Variants in LIMCH1 observed in about 807,000 individuals in gnomAD.
LIMCH1 encodes LIM and calponin homology domains 1.
In LIMCH1, 113 loss-of-function variants were observed where a neutral mutation model predicts 176.5. That is an observed-to-expected ratio of 0.64 (90% CI 0.55 to 0.75). The LOEUF (loss-of-function observed/expected upper bound fraction) is 0.75. Among genes scored for constraint, LIMCH1 ranks in the 30% least tolerant of loss-of-function variants. The pLI is 0.00. For synonymous variants in LIMCH1, 619 were observed against 645.9 expected, an observed-to-expected ratio of 0.96 and a Z score of 0.63; for missense variants, 1,674 against 1,814.9, an observed-to-expected ratio of 0.92 and a Z score of 1.41.
At chr4:41,598,795 A>G (rs968070068) in intron 1 of LIMCH1, 125 bp from the exon 2 acceptor site, 7 of 487,646 alleles carry the variant, frequency 1.4e-5, no homozygotes, top group African/African-American at 9.8e-5. Flanking sequence ...TTTGTTATGC[A>G]AGCTATGATT....
At chr4:41,399,685 C>CTTTTTT (rs56174007) in intron 1 of LIMCH1, among the ~76,000 whole-genome samples, 21,509 of 95,352 alleles carry the variant, frequency 0.23, 5,170 homozygotes, top group African/African-American at 0.39. Flanking sequence ...GGTGGATACT[C>CTTTTTT]TTTTTTTTTT....
chr4:41,578,914 G>T (rs953871439), intron 1 of LIMCH1, among the ~76,000 whole-genome samples: 14 of 151,948 alleles, frequency 9.2e-5, no homozygotes, highest in African/African-American at 3.4e-4. Context: ...TGTTTTCCAG[G>T]CTGGTCTCAA....
At chr4:41,432,049 A>T (rs1490332292) in intron 1 of LIMCH1, among the ~76,000 whole-genome samples, 1 of 152,216 alleles carries the variant, frequency 6.6e-6, no homozygotes, top group Non-Finnish European at 1.5e-5. Flanking sequence ...TTAGGCTAGG[A>T]TGTTAAATAA....
chr4:41,460,312 G>T (rs367558289), intron 1 of LIMCH1, among the ~76,000 whole-genome samples: 1 of 151,728 alleles, frequency 6.6e-6, no homozygotes, highest in Non-Finnish European at 1.5e-5. Context: ...ATTGCATAGC[G>T]CAGATGTAGA....
At chr4:41,481,088 A>T (rs2068535836) in intron 1 of LIMCH1, among the ~76,000 whole-genome samples, 1 of 151,860 alleles carries the variant, frequency 6.6e-6, no homozygotes, top group Non-Finnish European at 1.5e-5. Flanking sequence ...TTCTGATGAC[A>T]TGATGAAAAT....
intron 23 of LIMCH1, among the ~76,000 whole-genome samples, chr4:41,679,277 T>A (rs1462895298): frequency 1.3e-5 from 2 of 152,242 alleles, no homozygotes; most frequent in Non-Finnish European, 2.9e-5. Context: ...GCATTAATTT[T>A]AATCCCCATT....
chr4:41,598,543 GA>G (rs539757340), intron 1 of LIMCH1, among the ~76,000 whole-genome samples: 31 of 150,924 alleles, frequency 2.1e-4, no homozygotes, highest in Middle Eastern at 3.4e-3. Context: ...AAAAAAGAAA[GA>G]AAAGAAAAGA....
At chr4:41,652,375 C>G (rs938867985) in intron 18 of LIMCH1, among the ~76,000 whole-genome samples, 6 of 152,098 alleles carry the variant, frequency 3.9e-5, no homozygotes, top group Non-Finnish European at 8.8e-5. Flanking sequence ...TTCCTAGTCT[C>G]TAGGAGCAGA....
At chr4:41,402,032 C>T (rs1481163241) in intron 1 of LIMCH1, among the ~76,000 whole-genome samples, 1 of 152,126 alleles carries the variant, frequency 6.6e-6, no homozygotes, top group Admixed American at 6.5e-5. Context: ...ATTTCCTTCC[C>T]CTGCCTAATT....
intron 4 of LIMCH1, among the ~76,000 whole-genome samples, chr4:41,607,835 G>T (rs932572360): frequency 6.6e-6 from 1 of 152,152 alleles, no homozygotes; most frequent in Non-Finnish European, 1.5e-5. Context: ...CTGGATACAT[G>T]ACTCTTAGCA....
chr4:41,612,985 A>G (rs1561918812), intron 4 of LIMCH1: 2 of 1,549,954 alleles, frequency 1.3e-6, no homozygotes, highest in Non-Finnish European at 1.7e-6. Context: ...CAGCAAAGAC[A>G]AATGTTGCCT....
intron 8 of LIMCH1, among the ~76,000 whole-genome samples, chr4:41,627,652 A>G (rs1329253802): frequency 6.6e-6 from 1 of 152,206 alleles, no homozygotes; most frequent in African/African-American, 2.4e-5. Flanking sequence ...CTCTTAATAC[A>G]TGTTGGAGTG....
chr4:41,632,057 G>A (rs1219197646), intron 10 of LIMCH1, among the ~76,000 whole-genome samples: 1 of 152,200 alleles, frequency 6.6e-6, no homozygotes, highest in African/African-American at 2.4e-5. Context: ...AAATGTGTGA[G>A]GGAAGAACAC....
At chr4:41,572,789 G>A (rs891566114) in intron 1 of LIMCH1, among the ~76,000 whole-genome samples, 1 of 152,150 alleles carries the variant, frequency 6.6e-6, no homozygotes, top group African/African-American at 2.4e-5. Flanking sequence ...TTCTTAGGTG[G>A]GTTAAGAACT....
chr4:41,687,628 T>C (rs1363227411), intron 28 of LIMCH1, among the ~76,000 whole-genome samples: 1 of 152,186 alleles, frequency 6.6e-6, no homozygotes, highest in African/African-American at 2.4e-5. Context: ...GTTTTGATTT[T>C]ATGTAGCTAA....
At chr4:41,374,057 A>G (rs546651530) in intron 1 of LIMCH1, among the ~76,000 whole-genome samples, 1 of 152,250 alleles carries the variant, frequency 6.6e-6, no homozygotes, top group African/African-American at 2.4e-5. Context: ...CTGTAAGCCA[A>G]TTAAACCTTT....
At chr4:41,665,234 T>C (rs928438908) in intron 20 of LIMCH1, among the ~76,000 whole-genome samples, 2 of 152,338 alleles carry the variant, frequency 1.3e-5, no homozygotes, top group Non-Finnish European at 2.9e-5. Context: ...CCTTTTTACA[T>C]AGCGGTCATT....
chr4:41,629,529 AC>A lies in LIMCH1; in HGVS notation c.1068del (p.Cys357ValfsTer3). ...CACAGAAGAGGTGAAGTTGATAGTG[AC>A]CTGTAACATGAGGGCTCAGGAAAGT... ...GHTEEVKLIV[T>X]CNMRAQESEP... On this transcript the variant is annotated frameshift_variant, in exon 9 of 32. Coordinates refer to ENST00000503057, the MANE Select transcript of LIMCH1 (RefSeq NM_001330672.2). LOFTEE classifies it high-confidence loss of function. The A allele has an allele frequency of 6.5e-7, 1 of 1,536,012 alleles. No individual in the cohort carries two copies. The highest frequency in any genetic ancestry group is 1.4e-5 in the African/African-American group (1 of 73,118).
chr4:41,564,758 A>G (rs940966598), intron 1 of LIMCH1, among the ~76,000 whole-genome samples: 1 of 152,136 alleles, frequency 6.6e-6, no homozygotes, highest in Non-Finnish European at 1.5e-5. Flanking sequence ...GAATTGTAAT[A>G]TCCCCACATG....
Sources: gnomAD v4.1 joint callset for allele counts (sites outside exome capture counted in the v4.1 genomes callset) on GRCh38, gnomAD v4.1.1 for gene constraint, MANE v1.5 for transcripts, NCBI Gene and HGNC (gene_info 2026-07-23, HGNC 2026-07-21) for gene names.